SERPINA6: variants seen among roughly 807,000 people sequenced by gnomAD.
SERPINA6 encodes the protein corticosteroid-binding globulin.
A neutral mutation model predicts 26.4 loss-of-function variants in SERPINA6; 19 were observed. That is an observed-to-expected ratio of 0.72 (90% CI 0.50 to 1.06). The LOEUF is 1.06. Ranked by LOEUF, SERPINA6 falls within the 50% of genes least tolerant of loss-of-function variation. The pLI is 0.00. For synonymous variants in SERPINA6, 196 were observed against 199.4 expected (o/e 0.98, Z 0.14); for missense variants, 473 against 504.0 (o/e 0.94, Z 0.59).
intron 1 of SERPINA6, among the ~76,000 whole-genome samples, chr14:94,316,069 T>A (rs1193771089): frequency 1.3e-5 from 2 of 152,240 alleles, no homozygotes; most frequent in Non-Finnish European, 2.9e-5. Flanking sequence ...TGTGTTTCCA[T>A]TTTCGTTTGT....
At position 94,314,076 on chromosome 14, in the gene SERPINA6, G is replaced by T; in HGVS notation, c.573C>A (p.Ser191Arg). The change falls in exon 2 of 5, where the codon AGC (serine) becomes AGA (arginine). Residue 191 changes from serine (S) to arginine (R), a missense_variant. Physicochemically the swap from Ser to Arg is moderately radical, Grantham distance 110. Transcript: ENST00000341584. The stretch of plus-strand genomic sequence containing the variant: ...AGTTGACCAGGACGAGGATGGCTGG[G>T]CTATCCAGCCCTGAAAACAAGTCGA... ...KIVDLFSGLD[S>R]PAILVLVNYI... 2 of 1,614,146 alleles carry T rather than the reference G, an allele frequency of 1.2e-6. No homozygotes were observed. Among genetic ancestry groups the T allele is most frequent in the East Asian group, 4.5e-5 (2 of 44,874 alleles).
Position 94,313,959 on chromosome 14 carries a change from G to T in SERPINA6, c.613+77C>A, listed in dbSNP as rs1895570597. The T allele has an allele frequency of 2.6e-6, 4 of 1,517,430 alleles. No individual in the cohort carries two copies. The African/African-American group carries it at 5.5e-5, about 21-fold the overall frequency. The allele number at this position is 1,517,430 out of a possible 1,614,324, so 94.0% of individuals were successfully genotyped here. The stretch of plus-strand genomic sequence containing the variant: ...TTACAGAATCAAAGACTTTGCCCAA[G>T]AGTGTGCCCTGGATTTTAGCGGCTG... On this transcript the variant is annotated intron_variant, in intron 2 of 4. Coordinates refer to ENST00000341584, the MANE Select transcript of SERPINA6 (RefSeq NM_001756.4).
rs1414650404 is a variant in SERPINA6 at position 94,304,356 on chromosome 14, A to G, written c.*62T>C. The G allele has an allele frequency of 7.7e-6, 12 of 1,548,416 alleles. No homozygotes were observed. Among genetic ancestry groups the G allele is most frequent in the Non-Finnish European group, 1.1e-5 (12 of 1,120,334 alleles). ...GGGGAAACCTCCCGCTCTCCAAAAC[A>G]TTTCTGTGGGATCCCTGGTTCCCAA... On this transcript the variant is annotated 3_prime_UTR_variant, in exon 5 of 5. Transcript: ENST00000341584.
At chr14:94,305,444 T>C (rs758161330) in intron 4 of SERPINA6, among the ~76,000 whole-genome samples, 10 of 152,150 alleles carry the variant, frequency 6.6e-5, no homozygotes, top group Admixed American at 2.0e-4. Flanking sequence ...ATACCTGCCT[T>C]CTGAGAAGGC....
At chr14:94,317,815 C>T (rs181604389) in intron 1 of SERPINA6, among the ~76,000 whole-genome samples, 145 of 152,316 alleles carry the variant, frequency 9.5e-4, no homozygotes, top group African/African-American at 3.3e-3. Flanking sequence ...CTTGTTCTCA[C>T]TACTTTTACC....
intron 1 of SERPINA6, among the ~76,000 whole-genome samples, chr14:94,317,109 C>T (rs959660538): frequency 6.6e-6 from 1 of 152,214 alleles, no homozygotes; most frequent in Middle Eastern, 3.4e-3. Context: ...GATTCTGTTT[C>T]TCTGGAGAAC....
At position 94,314,185 on chromosome 14, in the gene SERPINA6, A is replaced by T. The variant is rs1453918017; in HGVS notation, c.464T>A (p.Val155Asp). Residue 155 changes from valine (V) to aspartate (D), a missense_variant, in exon 2 of 5, where the codon GTC becomes GAC. Transcript: ENST00000341584. ...CCAGTCCTGGAAATTCATAGCCAAG[A>T]CCTCTGACTCATAGTAGTGCTTGAT... is the stretch of plus-strand genomic sequence containing the variant. ...ADIKHYYESE[V>D]LAMNFQDWAT... 1 of 1,614,132 alleles carries T rather than the reference A, an allele frequency of 6.2e-7. No individual in the cohort carries two copies. The highest frequency in any genetic ancestry group is 1.3e-5 in the African/African-American group (1 of 75,012).
Position 94,309,815 on chromosome 14 carries a change from C to A in SERPINA6, c.805G>T (p.Asp269Tyr). ...GNGTVFFILP[D>Y]KGKMNTVIAA... ...ATGACTGTGTTCATCTTCCCCTTGTCCGGAAGGATGAAGAAGACAGTCCCA... is the reference window on the plus strand; with the variant it reads ...ATGACTGTGTTCATCTTCCCCTTGTACGGAAGGATGAAGAAGACAGTCCCA... Residue 269 changes from aspartate to tyrosine, a missense_variant, in exon 3 of 5, where the codon GAC becomes TAC. By Grantham distance (160) the Asp-to-Tyr change is radical. Transcript: ENST00000341584. The A allele has an allele frequency of 6.2e-7, 1 of 1,614,184 alleles. No individual in the cohort carries two copies. The highest frequency in any genetic ancestry group is 8.5e-7 in the Non-Finnish European group (1 of 1,180,030).
At chr14:94,309,502 C>T (rs1415121951) in intron 3 of SERPINA6, among the ~76,000 whole-genome samples, 1 of 152,170 alleles carries the variant, frequency 6.6e-6, no homozygotes, top group Non-Finnish European at 1.5e-5. Flanking sequence ...GAAAGGGAAC[C>T]TCACTCTGTG....
At chr14:94,320,852 A>G (rs1187407824) in intron 1 of SERPINA6, among the ~76,000 whole-genome samples, 1 of 152,192 alleles carries the variant, frequency 6.6e-6, no homozygotes, top group Admixed American at 6.5e-5. Context: ...TGCTTTAGAT[A>G]ATAGAGGCAG....
At position 94,314,148 on chromosome 14, in the gene SERPINA6, G is replaced by C; in HGVS notation, c.501C>G (p.Ser167Arg). 1 of 1,614,200 alleles carries C rather than the reference G, an allele frequency of 6.2e-7. No homozygotes were observed. Among genetic ancestry groups the C allele is most frequent in the South Asian group, 1.1e-5 (1 of 91,082 alleles). Residue 167 changes from serine to arginine, a missense_variant, in exon 2 of 5, where the codon AGC (serine) becomes AGG (arginine). Coordinates refer to ENST00000341584, the MANE Select transcript of SERPINA6 (RefSeq NM_001756.4). Reference sequence around the variant, plus strand: ...TCTTGACATAGCTGTTGATCTGTCTGCTGGCTGTTGCCCAGTCCTGGAAAT... The same window carrying C: ...TCTTGACATAGCTGTTGATCTGTCTCCTGGCTGTTGCCCAGTCCTGGAAAT... Reference protein sequence around the residue: ...AMNFQDWATASRQINSYVKNK... With the variant: ...AMNFQDWATARRQINSYVKNK...
Position 94,309,991 on chromosome 14 carries a change from G to C in SERPINA6, c.629C>G (p.Pro210Arg), listed in dbSNP as rs762168966. The C allele has an allele frequency of 1.2e-5, 19 of 1,614,084 alleles. No homozygotes were observed. In the Admixed American group the frequency reaches 3.0e-4, roughly 25 times the overall value. ...CTCCCTGGTGCTTGCCAGGTCAAAG[G>C]GCTGTGTCCATGTGCCTAGGAAGAG... ...YIFFKGTWTQPFDLASTREEN... is the reference protein window; with the variant it reads ...YIFFKGTWTQRFDLASTREEN... Residue 210 changes from proline to arginine, a missense_variant, in exon 3 of 5, where the codon CCC becomes CGC. Transcript: ENST00000341584.
At chr14:94,313,317 G>A (rs1459214715) in intron 2 of SERPINA6, among the ~76,000 whole-genome samples, 4 of 152,224 alleles carry the variant, frequency 2.6e-5, no homozygotes, top group Non-Finnish European at 4.4e-5. Context: ...GGGAATTAAA[G>A]TTGTAGAGGG....
At chr14:94,304,631 G>A in intron 4 of SERPINA6, 28 bp from the exon 5 acceptor site, 1 of 1,593,920 alleles carries the variant, frequency 6.3e-7, no homozygotes, top group East Asian at 2.2e-5. Context: ...AAGATGGGTA[G>A]TGAGACCTGC....
chr14:94,315,429 T>G lies in SERPINA6; in HGVS notation c.-19-762A>C, dbSNP rs59493294. On this transcript the variant is annotated intron_variant, in intron 1 of 4. Transcript: ENST00000341584. ...ATTTATTTTCTCTATTGTTTTTCTATTCTTGATTTTATTTATCTCTGCTCT... is the reference window on the plus strand; with the variant it reads ...ATTTATTTTCTCTATTGTTTTTCTAGTCTTGATTTTATTTATCTCTGCTCT... Among the ~76,000 whole-genome samples the G allele has an allele frequency of 5.8e-3, 879 of 152,366 alleles. 7 individuals are homozygous for G. The highest frequency in any genetic ancestry group is 0.021 in the African/African-American group (853 of 41,588).
chr14:94,317,859 T>C (rs1292001281), intron 1 of SERPINA6, among the ~76,000 whole-genome samples: 1 of 152,210 alleles, frequency 6.6e-6, no homozygotes, highest in East Asian at 1.9e-4. Context: ...CCAGAGCAAT[T>C]GGGCAAGGAA....
chr14:94,312,878 T>C (rs1895551946), intron 2 of SERPINA6, among the ~76,000 whole-genome samples: 1 of 152,154 alleles, frequency 6.6e-6, no homozygotes, highest in Non-Finnish European at 1.5e-5. Context: ...TGGCTGGGGA[T>C]CACATCTCCT....
chr14:94,322,824 T>C (rs1254690865), intron 1 of SERPINA6, among the ~76,000 whole-genome samples: 1 of 152,096 alleles, frequency 6.6e-6, no homozygotes, highest in Non-Finnish European at 1.5e-5. Flanking sequence ...CTCAGAAGAA[T>C]ACCCCTGCAC....
chr14:94,304,806 T>C (rs547266030), intron 4 of SERPINA6, among the ~76,000 whole-genome samples: 1 of 152,296 alleles, frequency 6.6e-6, no homozygotes, highest in South Asian at 2.1e-4. Flanking sequence ...GGGCCGCACC[T>C]ACACTTCCTA....
Sources: allele counts gnomAD v4.1 joint callset (sites outside exome capture counted in the v4.1 genomes callset), GRCh38; gene constraint gnomAD v4.1.1; transcripts MANE v1.5; gene names NCBI Gene and HGNC (gene_info 2026-07-23, HGNC 2026-07-21).